STXBP4: variants seen among roughly 807,000 people sequenced by gnomAD.
STXBP4 encodes syntaxin binding protein 4.
Under a neutral mutation model 76.1 loss-of-function variants are expected in STXBP4, and 55 were observed. The observed-to-expected ratio is 0.72, with a 90% CI of 0.58 to 0.91. STXBP4 has a LOEUF of 0.91. Among genes scored for constraint, STXBP4 ranks in the 40% least tolerant of loss-of-function variants. STXBP4 has a pLI of 0.00. For synonymous variants in STXBP4, 201 were observed against 220.2 expected, an observed-to-expected ratio of 0.91 and a Z score of 0.77; for missense variants, 618 against 636.9, an observed-to-expected ratio of 0.97 and a Z score of 0.32.
intron 16 of STXBP4, among the ~76,000 whole-genome samples, chr17:55,100,735 G>T (rs1273309905): frequency 6.6e-6 from 1 of 152,144 alleles, no homozygotes; most frequent in South Asian, 2.1e-4. Flanking sequence ...TCATGCCTTT[G>T]TGTGATCCTC....
chr17:55,053,147 T>C (rs574117109), intron 12 of STXBP4, among the ~76,000 whole-genome samples: 9 of 152,084 alleles, frequency 5.9e-5, no homozygotes, highest in African/African-American at 2.2e-4. Flanking sequence ...ATACAGATGG[T>C]AGATTAAAGC....
At chr17:55,089,790 T>G (rs946417787) in intron 16 of STXBP4, among the ~76,000 whole-genome samples, 11 of 152,288 alleles carry the variant, frequency 7.2e-5, no homozygotes, top group African/African-American at 2.6e-4. Context: ...TCTGGCCAGG[T>G]AACCCATATG....
intron 16 of STXBP4, among the ~76,000 whole-genome samples, chr17:55,088,251 A>G (rs553614315): frequency 6.6e-6 from 1 of 152,272 alleles, no homozygotes; most frequent in East Asian, 1.9e-4. Context: ...TGCCTTGGCT[A>G]TCTGGTTATT....
At chr17:55,185,732 T>A in the STXBP4 span, among the ~76,000 whole-genome samples, 3 of 152,172 alleles carry the variant, frequency 2.0e-5, no homozygotes, top group African/African-American at 7.2e-5. Flanking sequence ...ACTTACTGTG[T>A]GTGCCAGGAC....
chr17:55,055,085 AT>A (rs1329796144), intron 12 of STXBP4, among the ~76,000 whole-genome samples: 1 of 152,224 alleles, frequency 6.6e-6, no homozygotes, highest in Non-Finnish European at 1.5e-5. Context: ...GGACTTGAGA[AT>A]TTAAGAGCCT....
chr17:55,018,507 T>C (rs1039739549), intron 8 of STXBP4, among the ~76,000 whole-genome samples: 27 of 152,324 alleles, frequency 1.8e-4, no homozygotes, highest in African/African-American at 6.0e-4. Flanking sequence ...TCCGAGTTTG[T>C]TTATTTTCAA....
chr17:55,040,602 T>C (rs1338857286), intron 10 of STXBP4, among the ~76,000 whole-genome samples: 2 of 152,104 alleles, frequency 1.3e-5, no homozygotes, highest in African/African-American at 4.8e-5. Context: ...GCAGCAACAG[T>C]GAAGGGAGAG....
At chr17:55,049,479 TATAAGCAA>T (rs2078832398) in intron 12 of STXBP4, among the ~76,000 whole-genome samples, 1 of 151,964 alleles carries the variant, frequency 6.6e-6, no homozygotes, top group African/African-American at 2.4e-5. Flanking sequence ...CATTTTGTTA[TATAAGCAA>T]AGCGTAGCAG....
At chr17:54,993,884 A>G (rs903479336) in intron 4 of STXBP4, among the ~76,000 whole-genome samples, 2 of 152,188 alleles carry the variant, frequency 1.3e-5, no homozygotes, top group Non-Finnish European at 2.9e-5. Flanking sequence ...TATATTTTCA[A>G]ATCTTCCAAA....
chr17:55,045,211 A>G (rs1442732087), intron 11 of STXBP4, among the ~76,000 whole-genome samples: 4 of 152,104 alleles, frequency 2.6e-5, no homozygotes, highest in South Asian at 2.1e-4. Flanking sequence ...TTTCACTACT[A>G]TAAGAGTATT....
chr17:55,184,433 G>T, the STXBP4 span, among the ~76,000 whole-genome samples: 4 of 152,176 alleles, frequency 2.6e-5, no homozygotes, highest in African/African-American at 9.7e-5. Flanking sequence ...AGGAGAAATA[G>T]AACTTTCTAG....
At chr17:55,118,470 T>A (rs939632423) in intron 16 of STXBP4, among the ~76,000 whole-genome samples, 1 of 151,982 alleles carries the variant, frequency 6.6e-6, no homozygotes, top group Non-Finnish European at 1.5e-5. Context: ...AACTTAACTT[T>A]GGAAAAAATT....
chr17:55,185,659 TG>T, the STXBP4 span, among the ~76,000 whole-genome samples: 1 of 151,484 alleles, frequency 6.6e-6, no homozygotes, highest in Non-Finnish European at 1.5e-5. Flanking sequence ...AAGACCGGAG[TG>T]GAGAGAGCAG....
At chr17:55,026,235 C>T (rs939541508) in intron 8 of STXBP4, among the ~76,000 whole-genome samples, 1 of 152,100 alleles carries the variant, frequency 6.6e-6, no homozygotes, top group African/African-American at 2.4e-5. Context: ...TATCAGTTGG[C>T]TATTTTTCAG....
Position 55,043,325 on chromosome 17 carries a change from G to T in STXBP4, c.945G>T (p.Lys315Asn). ...CCTTGAAAGAAGTAAATACACTTAA[G>T]GTAACCTCTAATTTAGTTTCCTTAT... ...DDALKEVNTL[K>N]EKLLESDKQR... Residue 315 changes from lysine (K) to asparagine (N), a missense_variant and splice_region_variant, in exon 11 of 18, where the codon AAG becomes AAT. Transcript: ENST00000376352. 6.8e-7 allele frequency: 1 copy of T among 1,469,958 alleles called. No individual in the cohort carries two copies. The highest frequency in any genetic ancestry group is 2.4e-5 in the East Asian group (1 of 41,256). The allele number at this position is 1,469,958 out of a possible 1,614,324, so 91.1% of individuals were successfully genotyped here. A position where few individuals can be genotyped will look rare whatever the true frequency, so the allele number is the denominator to read the frequency against.
In STXBP4 at chr17:54,986,258, A is replaced by T. The variant is rs376879492; in HGVS notation, c.39A>T (p.Leu13=). The change falls in exon 3 of 18, where the codon CTA becomes CTT. Residue 13 remains leucine (L), a synonymous_variant. Coordinates refer to ENST00000376352, the MANE Select transcript of STXBP4 (RefSeq NM_178509.6). ...CATCTACTGTAGTATCACCCAGTCTACTTGAAAAGTAATTTTTAAGTTTAA... is the reference window on the plus strand; with the variant it reads ...CATCTACTGTAGTATCACCCAGTCTTCTTGAAAAGTAATTTTTAAGTTTAA... The part of the protein sequence containing the change: ...KNTSTVVSPS[L]LEKDPAFQMI... The T allele has an allele frequency of 6.3e-7, 1 of 1,591,422 alleles. No homozygotes were observed. The highest frequency in any genetic ancestry group is 2.2e-5 in the East Asian group (1 of 44,472).
At chr17:55,104,833 A>G (rs1042548510) in intron 16 of STXBP4, among the ~76,000 whole-genome samples, 8 of 152,188 alleles carry the variant, frequency 5.3e-5, no homozygotes, top group South Asian at 4.1e-4. Flanking sequence ...CAGGGATTCA[A>G]CTTCTTCCTG....
At chr17:55,058,688 A>G (rs1044463269) in intron 12 of STXBP4, among the ~76,000 whole-genome samples, 17 of 152,102 alleles carry the variant, frequency 1.1e-4, no homozygotes, top group African/African-American at 4.1e-4. Context: ...AAGTTCTTAT[A>G]GTCGATGGGC....
At chr17:55,077,078 C>G (rs1476882786) in intron 13 of STXBP4, among the ~76,000 whole-genome samples, 1 of 151,966 alleles carries the variant, frequency 6.6e-6, no homozygotes, top group Non-Finnish European at 1.5e-5. Context: ...ACATAATTGC[C>G]TTATATTTTG....
Sources: gnomAD v4.1 joint callset for allele counts (sites outside exome capture counted in the v4.1 genomes callset) on GRCh38, gnomAD v4.1.1 for gene constraint, MANE v1.5 for transcripts, NCBI Gene and HGNC (gene_info 2026-07-23, HGNC 2026-07-21) for gene names.